Variants in DISC1 observed in about 807,000 individuals in gnomAD.
DISC1 encodes the protein DISC1 scaffold protein, also known as disrupted in schizophrenia 1 protein.
In DISC1, 57 loss-of-function variants were observed where a neutral mutation model predicts 84.5. The ratio of observed to expected loss-of-function variants is 0.67; its 90% confidence interval spans 0.55 to 0.84. DISC1 has a LOEUF of 0.84. Ranked by LOEUF, DISC1 falls within the 40% of genes least tolerant of loss-of-function variation. The probability of loss-of-function intolerance (pLI) is 0.00; values close to 1 mark genes in which losing one functional copy is unlikely to be tolerated. For missense variants in DISC1, 1,000 were observed against 1,057.8 expected (o/e 0.95, Z 0.76); for synonymous variants, 411 against 415.2 (o/e 0.99, Z 0.12).
intron 9 of DISC1, among the ~76,000 whole-genome samples, chr1:231,952,990 CAT>C (rs1658763508): frequency 6.6e-6 from 1 of 152,068 alleles, no homozygotes; most frequent in South Asian, 2.1e-4. Context: ...AAGTTGAAGT[CAT>C]GTGTTTTGTA....
At chr1:231,728,178 G>A (rs1295899413) in intron 3 of DISC1, among the ~76,000 whole-genome samples, 1 of 152,028 alleles carries the variant, frequency 6.6e-6, no homozygotes, top group Non-Finnish European at 1.5e-5. Context: ...CTCTTTAGAG[G>A]TTTATCTTTA....
Position 231,818,317 on chromosome 1 carries a change from A to G in DISC1, c.1793-12A>G. ...CTTGTTTTCCCTTCTTCTCTCCCAC[A>G]ACGTGCTGTAGGAAACCATTTCTGG... On this transcript the variant is annotated splice_polypyrimidine_tract_variant and intron_variant, in intron 8 of 12. Coordinates refer to ENST00000439617, the MANE Select transcript of DISC1 (RefSeq NM_018662.3). The G allele has an allele frequency of 6.2e-7, 1 of 1,613,474 alleles. No homozygotes were observed. Among genetic ancestry groups the G allele is most frequent in the Non-Finnish European group, 8.5e-7 (1 of 1,179,680 alleles).
At chr1:231,632,081 A>G (rs1393536163) in intron 1 of DISC1, among the ~76,000 whole-genome samples, 2 of 152,218 alleles carry the variant, frequency 1.3e-5, no homozygotes, top group Non-Finnish European at 2.9e-5. Context: ...ACGGCTGCCT[A>G]CAGTATTCAG....
At chr1:231,762,317 TTTCCTGCC>T (rs368986916) in intron 4 of DISC1, among the ~76,000 whole-genome samples, 1 of 149,770 alleles carries the variant, frequency 6.7e-6, no homozygotes, top group Non-Finnish European at 1.5e-5. Flanking sequence ...CCTGCCTGCC[TTTCCTGCC>T]TTCCTGCCTT....
At chr1:231,776,403 CAT>C (rs2076966759) in intron 6 of DISC1, among the ~76,000 whole-genome samples, 1 of 152,204 alleles carries the variant, frequency 6.6e-6, no homozygotes, top group Non-Finnish European at 1.5e-5. Flanking sequence ...TTGGAAGAAA[CAT>C]GTCACATCTT....
intron 9 of DISC1, among the ~76,000 whole-genome samples, chr1:231,831,363 T>A (rs2082211786): frequency 6.6e-6 from 1 of 152,216 alleles, no homozygotes; most frequent in South Asian, 2.1e-4. Flanking sequence ...GGTTATGAAA[T>A]GACAACAGAA....
chr1:231,964,830 T>G (rs1451269830), intron 10 of DISC1, among the ~76,000 whole-genome samples: 1 of 152,262 alleles, frequency 6.6e-6, no homozygotes, highest in Non-Finnish European at 1.5e-5. Flanking sequence ...TTAAAGAAGA[T>G]GAAAATCTTT....
chr1:231,689,744 G>C (rs1572899), intron 1 of DISC1, among the ~76,000 whole-genome samples: 55,263 of 152,050 alleles, frequency 0.36, 10,282 homozygotes, highest in African/African-American at 0.43. Flanking sequence ...CTGTAAACTA[G>C]GATTGTTTTA....
In DISC1 at chr1:232,000,415, T is replaced by C. The variant is rs548029662; in HGVS notation, c.2043-8370T>C. Among the ~76,000 whole-genome samples, 74 of 152,032 alleles carry C rather than the reference T, an allele frequency of 4.9e-4. 1 individual carries two copies. Among genetic ancestry groups the C allele is most frequent in the Admixed American group, 4.4e-3 (68 of 15,282 alleles). ...TTTACCCAATCTGAACAAGAAACAA[T>C]GGACTGAAAAAAATGAACAGAGCCT... is the stretch of plus-strand genomic sequence containing the variant. On this transcript the variant is annotated intron_variant, in intron 10 of 12. Coordinates refer to ENST00000439617, the MANE Select transcript of DISC1 (RefSeq NM_018662.3).
At chr1:231,981,236 G>C (rs1008945723) in intron 10 of DISC1, among the ~76,000 whole-genome samples, 2 of 152,182 alleles carry the variant, frequency 1.3e-5, no homozygotes, top group East Asian at 3.8e-4. Context: ...GAGCCACTGT[G>C]CCTGGCCTGA....
At chr1:231,984,952 C>T (rs74388062) in intron 10 of DISC1, among the ~76,000 whole-genome samples, 4,130 of 152,172 alleles carry the variant, frequency 0.027, 181 homozygotes, top group African/African-American at 0.094. Context: ...TTCTGGCCTC[C>T]TCAATATTTT....
intron 1 of DISC1, among the ~76,000 whole-genome samples, chr1:231,660,022 A>T (rs557036650): frequency 1.1e-4 from 16 of 152,198 alleles, no homozygotes; most frequent in Admixed American, 9.8e-4. Flanking sequence ...GGTCCTTACT[A>T]TCTTTATTAA....
chr1:231,631,110 C>T (rs905282480), intron 1 of DISC1, among the ~76,000 whole-genome samples: 1 of 152,178 alleles, frequency 6.6e-6, no homozygotes. Flanking sequence ...AACAGAATCA[C>T]AGAACTTATT....
In DISC1 at chr1:231,800,013, A is replaced by T. The variant is rs868012997; in HGVS notation, c.1690-95A>T. On this transcript the variant is annotated intron_variant, in intron 7 of 12. Coordinates refer to ENST00000439617, the MANE Select transcript of DISC1 (RefSeq NM_018662.3). ...TTACTTTTCATCACCCCTTTTAATT[A>T]CTTACAAACCCAGAAATCTCTGACC... is the stretch of plus-strand genomic sequence containing the variant. 24 of 816,904 alleles carry T rather than the reference A, an allele frequency of 2.9e-5. No individual in the cohort carries two copies. The Middle Eastern group carries it at 2.7e-3, about 93-fold the overall frequency. 50.6% of individuals were successfully genotyped at this position (816,904 alleles called of 1,614,324 possible). A position where few individuals can be genotyped will look rare whatever the true frequency, so the allele number is the denominator to read the frequency against.
chr1:231,770,786 G>T (rs1359296610), intron 5 of DISC1, 49 bp from the exon 6 acceptor site: 1 of 1,586,312 alleles, frequency 6.3e-7, no homozygotes, highest in Non-Finnish European at 8.6e-7. Flanking sequence ...AGAGCAGTTT[G>T]CCATGAGCAG....
intron 4 of DISC1, among the ~76,000 whole-genome samples, chr1:231,762,519 T>G (rs562143905): frequency 3.1e-4 from 46 of 147,672 alleles, no homozygotes; most frequent in Non-Finnish European, 4.2e-4. Flanking sequence ...GTTTTGTTTT[T>G]TTTTTTTTTT....
intron 9 of DISC1, among the ~76,000 whole-genome samples, chr1:231,843,465 A>G (rs2083228950): frequency 6.6e-6 from 1 of 152,176 alleles, no homozygotes. Context: ...GGGGGATGAA[A>G]AAAAGGCCAC....
intron 9 of DISC1, among the ~76,000 whole-genome samples, chr1:231,882,538 G>C (rs2086365509): frequency 6.6e-6 from 1 of 152,052 alleles, no homozygotes; most frequent in African/African-American, 2.4e-5. Flanking sequence ...AAATCCTCTG[G>C]GTGTCGTTTG....
rs72758641 is a variant in DISC1, at chr1:231,755,902, C to T, written c.1268+5826C>T. 2.6e-3 allele frequency among the ~76,000 whole-genome samples: 402 copies of T among 152,334 alleles called. 2 individuals are homozygous for T. Among genetic ancestry groups the T allele is most frequent in the Non-Finnish European group, 3.4e-3 (231 of 68,034 alleles). ...CTGGATTATTGCAGTGGTCTCCTTG[C>T]TGGTATTTCTGATTCCATTATTACC... is the stretch of plus-strand genomic sequence containing the variant. On this transcript the variant is annotated intron_variant, in intron 4 of 12. Coordinates refer to ENST00000439617, the MANE Select transcript of DISC1 (RefSeq NM_018662.3).
Sources: gnomAD v4.1 joint callset for allele counts (sites outside exome capture counted in the v4.1 genomes callset) on GRCh38, gnomAD v4.1.1 for gene constraint, MANE v1.5 for transcripts, NCBI Gene and HGNC (gene_info 2026-07-23, HGNC 2026-07-21) for gene names.